The following CNTNAP5 variants were observed in gnomAD, a reference collection of about 807,000 sequenced individuals.
The protein encoded by CNTNAP5 is contactin associated protein family member 5.
Under a neutral mutation model 150.2 loss-of-function variants are expected in CNTNAP5, and 72 were observed. The observed-to-expected ratio is 0.48, with a 90% CI of 0.40 to 0.58. The LOEUF is 0.58. Among genes scored for constraint, CNTNAP5 ranks in the 20% least tolerant of loss-of-function variants. The pLI, the probability that CNTNAP5 is intolerant of heterozygous loss-of-function variation, is 0.00. For synonymous variants in CNTNAP5, 672 were observed against 619.8 expected, an observed-to-expected ratio of 1.08 and a Z score of -1.25; for missense variants, 1,636 against 1,626.2, an observed-to-expected ratio of 1.01 and a Z score of -0.10.
chr2:124,328,255 G>T (rs1272845378), intron 3 of CNTNAP5, among the ~76,000 whole-genome samples: 1 of 152,028 alleles, frequency 6.6e-6, no homozygotes, highest in Non-Finnish European at 1.5e-5. Context: ...GGAAAAGATG[G>T]TTTCTACATT....
intron 11 of CNTNAP5, among the ~76,000 whole-genome samples, chr2:124,578,816 A>G (rs1433237381): frequency 6.6e-6 from 1 of 152,092 alleles, no homozygotes; most frequent in Non-Finnish European, 1.5e-5. Flanking sequence ...TAAATAAATG[A>G]GACAACAGCA....
chr2:124,644,269 C>T (rs972397258), intron 12 of CNTNAP5, among the ~76,000 whole-genome samples: 13 of 152,318 alleles, frequency 8.5e-5, no homozygotes, highest in African/African-American at 2.9e-4. Flanking sequence ...GTATCTGTCA[C>T]CACAGCTGAC....
intron 18 of CNTNAP5, 37 bp from the exon 19 acceptor site, chr2:124,798,059 G>T: frequency 6.7e-7 from 1 of 1,490,488 alleles, no homozygotes. Flanking sequence ...TGGATCTAAA[G>T]GTTTCAATGT....
chr2:124,366,463 G>A (rs1289530780), intron 3 of CNTNAP5, among the ~76,000 whole-genome samples: 1 of 152,158 alleles, frequency 6.6e-6, no homozygotes. Context: ...AAGACTAGCA[G>A]TGGCCACCAA....
chr2:124,897,936 AGTGTGTGTGTGTGTGTGTGTGTGT>A (rs56154943), intron 21 of CNTNAP5, among the ~76,000 whole-genome samples: 2 of 142,004 alleles, frequency 1.4e-5, no homozygotes, highest in Non-Finnish European at 3.1e-5. Context: ...GCAAATGCCA[AGTGTGTGTGTGTGTGTGTGTGTGT>A]GTGTGTGTGT....
At chr2:124,404,425 C>T (rs745603771) in intron 3 of CNTNAP5, among the ~76,000 whole-genome samples, 1 of 152,182 alleles carries the variant, frequency 6.6e-6, no homozygotes. Flanking sequence ...CCAGCTCAGA[C>T]CTGTCCACTC....
chr2:124,697,300 C>G (rs2105085732), intron 13 of CNTNAP5, among the ~76,000 whole-genome samples: 1 of 152,102 alleles, frequency 6.6e-6, no homozygotes, highest in African/African-American at 2.4e-5. Context: ...TAGTTCCTAC[C>G]CAATGTCTTT....
At chr2:124,352,593 GTC>G (rs973398031) in intron 3 of CNTNAP5, among the ~76,000 whole-genome samples, 5 of 152,158 alleles carry the variant, frequency 3.3e-5, no homozygotes, top group African/African-American at 1.2e-4. Context: ...AGCTTCTGAA[GTC>G]TGCTTTGGAA....
At chr2:124,365,507 A>G (rs1264789822) in intron 3 of CNTNAP5, among the ~76,000 whole-genome samples, 1 of 152,222 alleles carries the variant, frequency 6.6e-6, no homozygotes, top group Non-Finnish European at 1.5e-5. Context: ...CAAATACTTC[A>G]CAAACTATTG....
chr2:124,025,886 C>G (rs1292913942), intron 1 of CNTNAP5, among the ~76,000 whole-genome samples, 154 bp downstream of exon 1: 1 of 152,192 alleles, frequency 6.6e-6, no homozygotes, highest in East Asian at 1.9e-4. Context: ...CTCCAACCAT[C>G]CCAAAAGTTA....
chr2:124,361,371 G>A (rs1690192438), intron 3 of CNTNAP5, among the ~76,000 whole-genome samples: 1 of 144,436 alleles, frequency 6.9e-6, no homozygotes, highest in Admixed American at 7.0e-5. Context: ...TTCCTTTGGA[G>A]GAGGAGAGGA....
rs760831784 is a variant in CNTNAP5, at chr2:124,419,988, C to CTTTCTT, written c.529+2401_529+2402insCTTTTT. Among the ~76,000 whole-genome samples, 445 of 78,884 alleles carry CTTTCTT rather than the reference C, an allele frequency of 5.6e-3. 66 individuals are homozygous for CTTTCTT. Among genetic ancestry groups the CTTTCTT allele is most frequent in the Middle Eastern group, 0.01 (2 of 192 alleles). 51.8% of individuals were successfully genotyped at this position (78,884 alleles called of 152,430 possible). A position where few individuals can be genotyped will look rare whatever the true frequency, so the allele number is the denominator to read the frequency against. On this transcript the variant is annotated intron_variant, in intron 4 of 23. Coordinates refer to ENST00000682447, the MANE Select transcript of CNTNAP5 (RefSeq NM_001367498.1). ...TCTCTCTCTCTTTCTTTCTTTCTTT[C>CTTTCTT]TTTTTTTTTTTTTTTTTTTTTGAGA...
In CNTNAP5 at chr2:124,747,378, G is replaced by A. The variant is rs778431010; in HGVS notation, c.2227G>A (p.Asp743Asn). Reference protein sequence around the residue: ...QHFCNCDADKDEWTNDTGFLS... With the variant: ...QHFCNCDADKNEWTNDTGFLS... ...CTTTTGCAATTGCGACGCTGACAAG[G>A]ATGAATGGTAATGAGAATCTCCATC... Residue 743 changes from aspartate to asparagine, a missense_variant, in exon 14 of 24, where the codon GAT becomes AAT. Physicochemically the swap from Asp to Asn is conservative, Grantham distance 23. Transcript: ENST00000682447. The A allele has an allele frequency of 6.2e-7, 1 of 1,613,626 alleles. No homozygotes were observed. Among genetic ancestry groups the A allele is most frequent in the Non-Finnish European group, 8.5e-7 (1 of 1,179,726 alleles).
chr2:124,552,172 G>T (rs541756557), intron 10 of CNTNAP5, among the ~76,000 whole-genome samples: 1 of 152,232 alleles, frequency 6.6e-6, no homozygotes, highest in Admixed American at 6.5e-5. Flanking sequence ...AGGAGCAAAG[G>T]CCCTCCCCAT....
chr2:124,865,582 G>T, intron 20 of CNTNAP5, 146 bp downstream of exon 20: 1 of 719,510 alleles, frequency 1.4e-6, no homozygotes, highest in Non-Finnish European at 2.3e-6. Flanking sequence ...GGAAGAACTA[G>T]GATAGTGGTT....
chr2:124,829,012 G>A (rs1329368484), intron 19 of CNTNAP5, among the ~76,000 whole-genome samples: 2 of 151,986 alleles, frequency 1.3e-5, no homozygotes, highest in South Asian at 2.1e-4. Flanking sequence ...AGTACCTCTG[G>A]TCATAGATTA....
chr2:124,375,142 T>C (rs909185765), intron 3 of CNTNAP5, among the ~76,000 whole-genome samples: 2 of 152,018 alleles, frequency 1.3e-5, no homozygotes, highest in Non-Finnish European at 2.9e-5. Context: ...ATGGTCGCAA[T>C]ACATGGATCA....
chr2:124,100,828 G>A (rs1298180316), intron 1 of CNTNAP5, among the ~76,000 whole-genome samples: 2 of 135,820 alleles, frequency 1.5e-5, no homozygotes, highest in African/African-American at 5.6e-5. Context: ...TCACACCACT[G>A]TACTACAGCC....
At chr2:124,905,129 T>TG (rs1429931526) in intron 22 of CNTNAP5, among the ~76,000 whole-genome samples, 5 of 147,502 alleles carry the variant, frequency 3.4e-5, no homozygotes, top group South Asian at 2.1e-4. Flanking sequence ...TTTTTTTGTT[T>TG]TTTTTTTTTT....
Sources: gnomAD v4.1 joint callset for allele counts (sites outside exome capture counted in the v4.1 genomes callset) on GRCh38, gnomAD v4.1.1 for gene constraint, MANE v1.5 for transcripts, NCBI Gene and HGNC (gene_info 2026-07-23, HGNC 2026-07-21) for gene names.